Variants in STARD5 observed in about 807,000 individuals in gnomAD.
The protein encoded by STARD5 is stAR-related lipid transfer protein 5.
STARD5 carries 26 observed loss-of-function variants against 24.6 expected under a neutral mutation model. The observed-to-expected ratio is 1.06, with a 90% CI of 0.77 to 1.47. The LOEUF is 1.47. STARD5 is among the 40% of genes most tolerant of loss of function. The pLI is 0.00. For missense variants in STARD5, 254 were observed against 270.8 expected (o/e 0.94, Z 0.44); for synonymous variants, 101 against 99.7 (o/e 1.01, Z -0.07).
At position 81,309,114 on chromosome 15, in the gene STARD5, G is replaced by C; in HGVS notation, c.*4142C>G. 1 of 266,122 alleles carries C rather than the reference G, an allele frequency of 3.8e-6. No homozygotes were observed. Among genetic ancestry groups the C allele is most frequent in the Non-Finnish European group, 7.1e-6 (1 of 141,134 alleles). 16.5% of individuals were successfully genotyped at this position (266,122 alleles called of 1,614,324 possible). ...TCATATGACATTCATGCCTGGCTTCGCAAAATGTTTCAAGTACTGTAACTG... is the reference window on the plus strand; with the variant it reads ...TCATATGACATTCATGCCTGGCTTCCCAAAATGTTTCAAGTACTGTAACTG... On this transcript the variant is annotated 3_prime_UTR_variant, in exon 6 of 6. Coordinates refer to ENST00000302824, the MANE Select transcript of STARD5 (RefSeq NM_181900.3).
intron 5 of STARD5, among the ~76,000 whole-genome samples, chr15:81,316,412 G>T (rs183453566): frequency 2.9e-4 from 44 of 152,286 alleles, no homozygotes; most frequent in African/African-American, 1.1e-3. Flanking sequence ...CAATATCTGG[G>T]TTAAGAGCCC....
chr15:81,317,264 AT>A, intron 5 of STARD5, among the ~76,000 whole-genome samples: 1 of 139,854 alleles, frequency 7.2e-6, no homozygotes, highest in South Asian at 2.6e-4. Context: ...TACCCATTAT[AT>A]TGTGCATTCC....
At chr15:81,318,670 A>C (rs143473926) in intron 4 of STARD5, among the ~76,000 whole-genome samples, 168 bp from the exon 5 acceptor site, 407 of 152,036 alleles carry the variant, frequency 2.7e-3, no homozygotes, top group Non-Finnish European at 4.0e-3. Context: ...TGCCCCTTAC[A>C]CTCACACATA....
chr15:81,322,789 A>C, intron 2 of STARD5, 110 bp downstream of exon 2: 2 of 1,400,868 alleles, frequency 1.4e-6, no homozygotes, highest in Non-Finnish European at 1.0e-6. Flanking sequence ...TCTGGAGGAC[A>C]AGTGATCACA....
chr15:81,323,534 A>C, intron 1 of STARD5: 1 of 824,768 alleles, frequency 1.2e-6, no homozygotes, highest in Non-Finnish European at 2.0e-6. Flanking sequence ...GCAACGACAA[A>C]GAGAGGGGTT....
chr15:81,318,705 CACAA>C, intron 4 of STARD5, among the ~76,000 whole-genome samples: 1 of 152,176 alleles, frequency 6.6e-6, no homozygotes, highest in Non-Finnish European at 1.5e-5. Context: ...CATGCGTGTA[CACAA>C]ACTCACACAC....
chr15:81,323,052 A>G (rs1370133752), intron 1 of STARD5, 104 bp from the exon 2 acceptor site: 1 of 1,273,302 alleles, frequency 7.9e-7, no homozygotes, highest in South Asian at 1.3e-5. Flanking sequence ...CTCAAGAGAT[A>G]CGACTCTCCA....
chr15:81,322,916 C>T lies in STARD5; in HGVS notation c.132G>A (p.Val44=), dbSNP rs753392281. 2 of 1,614,132 alleles carry T rather than the reference C, an allele frequency of 1.2e-6. No homozygotes were observed. Among genetic ancestry groups the T allele is most frequent in the East Asian group, 2.2e-5 (1 of 44,878 alleles). ...NGVSVSWRPS[V]EFPGNLYRGE... ...GCACTTACAGGTTCCCTGGAAACTC[C>T]ACAGATGGCCTCCAGGAAACTGAAA... The change falls in exon 2 of 6, where the codon GTG becomes GTA. Residue 44 remains valine (V), a synonymous_variant. Coordinates refer to ENST00000302824, the MANE Select transcript of STARD5 (RefSeq NM_181900.3).
At chr15:81,322,810 T>C (rs1893315569) in intron 2 of STARD5, 89 bp downstream of exon 2, 1 of 1,534,666 alleles carries the variant, frequency 6.5e-7, no homozygotes, top group East Asian at 2.2e-5. Context: ...GGTTATAGGG[T>C]TGATTTGAAT....
At chr15:81,323,907 AAAC>A (rs1456183223) in intron 1 of STARD5, 91 bp downstream of exon 1, 2 of 1,329,498 alleles carry the variant, frequency 1.5e-6, no homozygotes, top group African/African-American at 2.9e-5. Flanking sequence ...GGGGAGCAGA[AAAC>A]AACGGGGAGA....
chr15:81,322,407 C>T lies in STARD5; in HGVS notation c.282+1G>A, dbSNP rs1303899182. 8 of 1,614,184 alleles carry T rather than the reference C, an allele frequency of 5.0e-6. No individual in the cohort carries two copies. Among genetic ancestry groups the T allele is most frequent in the South Asian group, 2.2e-5 (2 of 91,078 alleles). On this transcript the variant is annotated splice_donor_variant, in intron 3 of 5. Transcript: ENST00000302824. LOFTEE classifies it high-confidence loss of function. The stretch of plus-strand genomic sequence containing the variant: ...GAGATAACATGCTTGGAAAGACTTA[C>T]GTCAGTGATGCTTTGGATAATTTCA...
chr15:81,323,868 G>T (rs781781897), intron 1 of STARD5, 133 bp downstream of exon 1: 8 of 898,680 alleles, frequency 8.9e-6, no homozygotes, highest in South Asian at 1.5e-5. Flanking sequence ...ATCCCCATTG[G>T]AATCCCTCTC....
chr15:81,319,229 G>C lies in STARD5; in HGVS notation c.400+110C>G, dbSNP rs115800887. 24 of 986,608 alleles carry C rather than the reference G, an allele frequency of 2.4e-5. No individual in the cohort carries two copies. The Admixed American group carries it at 4.3e-4, about 18-fold the overall frequency. The allele number at this position is 986,608 out of a possible 1,614,324, so 61.1% of individuals were successfully genotyped here. The stretch of plus-strand genomic sequence containing the variant: ...AGATGAGGTAGGGGACTCAGAGTGT[G>C]AGTTTCTGGTGATTTCTGGTTGCTT... On this transcript the variant is annotated intron_variant, in intron 4 of 5. Transcript: ENST00000302824.
At chr15:81,314,997 C>G (rs562665307) in intron 5 of STARD5, among the ~76,000 whole-genome samples, 1 of 151,796 alleles carries the variant, frequency 6.6e-6, no homozygotes, top group African/African-American at 2.4e-5. Flanking sequence ...GGTGGGAGAG[C>G]ATGTGCTCCT....
chr15:81,322,965 A>G lies in STARD5; in HGVS notation c.100-17T>C, dbSNP rs1201231304. Reference sequence around the variant, plus strand: ...AACTCCATTCTGTCAAAAGGCACAGAACCACAGAATTTTAGAGCTAGAAGG... The same window carrying G: ...AACTCCATTCTGTCAAAAGGCACAGGACCACAGAATTTTAGAGCTAGAAGG... On this transcript the variant is annotated splice_polypyrimidine_tract_variant and intron_variant, in intron 1 of 5. Coordinates refer to ENST00000302824, the MANE Select transcript of STARD5 (RefSeq NM_181900.3). 9 of 1,614,016 alleles carry G rather than the reference A, an allele frequency of 5.6e-6. No homozygotes were observed. The highest frequency in any genetic ancestry group is 7.6e-6 in the Non-Finnish European group (9 of 1,180,022).
chr15:81,319,525 C>T, intron 3 of STARD5, 69 bp from the exon 4 acceptor site: 1 of 1,395,298 alleles, frequency 7.2e-7, no homozygotes, highest in Non-Finnish European at 1.0e-6. Flanking sequence ...CCACCCCATC[C>T]CTCAAGGTCT....
In STARD5 at chr15:81,310,540, T is replaced by C. The variant is rs1389021089; in HGVS notation, c.*2716A>G. 2.0e-5 allele frequency: 3 copies of C among 152,156 alleles called. No individual in the cohort carries two copies. The highest frequency in any genetic ancestry group is 2.9e-5 in the Non-Finnish European group (2 of 68,018). 9.4% of individuals were successfully genotyped at this position (152,156 alleles called of 1,614,324 possible). A position where few individuals can be genotyped will look rare whatever the true frequency, so the allele number is the denominator to read the frequency against. ...ATTTGTATCCACTTTTTAGACTTAA[T>C]AGAAACATTGAAGATGAACATAATC... is the stretch of plus-strand genomic sequence containing the variant. On this transcript the variant is annotated 3_prime_UTR_variant, in exon 6 of 6. Transcript: ENST00000302824.
At chr15:81,322,792 T>C in intron 2 of STARD5, 107 bp downstream of exon 2, 1 of 1,447,638 alleles carries the variant, frequency 6.9e-7, no homozygotes, top group Non-Finnish European at 9.6e-7. Context: ...GGAGGACAAG[T>C]GATCACAGGT....
intron 5 of STARD5, 55 bp downstream of exon 5, chr15:81,318,354 G>A (rs1901124976): frequency 6.8e-7 from 1 of 1,478,324 alleles, no homozygotes; most frequent in Non-Finnish European, 9.5e-7. Flanking sequence ...AAGGTCCACA[G>A]GGAAGTCACA....
Sources: gnomAD v4.1 joint callset for allele counts (sites outside exome capture counted in the v4.1 genomes callset) on GRCh38, gnomAD v4.1.1 for gene constraint, MANE v1.5 for transcripts, NCBI Gene and HGNC (gene_info 2026-07-23, HGNC 2026-07-21) for gene names.